The following KIF6 variants were observed in gnomAD, a reference collection of about 807,000 sequenced individuals.
The protein encoded by KIF6 is kinesin-like protein KIF6.
A neutral mutation model predicts 112.7 loss-of-function variants in KIF6; 106 were observed. The observed-to-expected ratio is 0.94, with a 90% CI of 0.80 to 1.11. KIF6 has a LOEUF of 1.11. Ranked by LOEUF, KIF6 falls within the 50% of genes least tolerant of loss-of-function variation. KIF6 has a pLI of 0.00. For synonymous variants in KIF6, 339 were observed against 339.9 expected (o/e 1.00, Z 0.03); for missense variants, 929 against 964.0 (o/e 0.96, Z 0.48).
At chr6:39,583,597 T>A (rs1166286684) in intron 9 of KIF6, 5 of 384,726 alleles carry the variant, frequency 1.3e-5, no homozygotes, top group Non-Finnish European at 2.8e-5. Flanking sequence ...GTAATTAATA[T>A]GGGTAACAAT....
At chr6:39,660,630 G>C (rs530818977) in intron 3 of KIF6, among the ~76,000 whole-genome samples, 349 of 151,704 alleles carry the variant, frequency 2.3e-3, no homozygotes, top group African/African-American at 8.2e-3. Context: ...TTTTTTTTGA[G>C]CTAAGGAGCC....
At chr6:39,679,614 C>CTT (rs55936243) in intron 3 of KIF6, among the ~76,000 whole-genome samples, 4 of 106,490 alleles carry the variant, frequency 3.8e-5, no homozygotes, top group African/African-American at 1.3e-4. Context: ...CTTTTCTTTT[C>CTT]TTTTTTTTTT....
At chr6:39,505,162 A>G (rs1340607113) in intron 13 of KIF6, among the ~76,000 whole-genome samples, 1 of 152,202 alleles carries the variant, frequency 6.6e-6, no homozygotes, top group Non-Finnish European at 1.5e-5. Flanking sequence ...ACATAGACCA[A>G]TGAAACAGAA....
Position 39,485,030 on chromosome 6 carries a change from G to T in KIF6, c.1646-53869C>A, listed in dbSNP as rs558509550. 2.0e-5 allele frequency among the ~76,000 whole-genome samples: 3 copies of T among 152,256 alleles called. No individual in the cohort carries two copies. In the East Asian group the frequency reaches 5.8e-4, roughly 29 times the overall value. On this transcript the variant is annotated intron_variant, in intron 13 of 22. Transcript: ENST00000287152. Reference sequence around the variant, plus strand: ...CATCTCCCCCAGGGCTCTCTCCTTGGCCTGCATATTTCTCCATCTTCAAGA... The same window carrying T: ...CATCTCCCCCAGGGCTCTCTCCTTGTCCTGCATATTTCTCCATCTTCAAGA...
intron 5 of KIF6, chr6:39,617,608 T>G: frequency 2.4e-6 from 1 of 418,146 alleles, no homozygotes; most frequent in South Asian, 1.7e-5. Flanking sequence ...TGGGTTTGTA[T>G]AGTTATCACG....
chr6:39,361,558 C>CAAAA (rs1242586612), intron 17 of KIF6, among the ~76,000 whole-genome samples: 2 of 44,666 alleles, frequency 4.5e-5, no homozygotes, highest in African/African-American at 7.0e-5. Context: ...GGCTCCATCT[C>CAAAA]AAAAAAAAAA....
intron 13 of KIF6, among the ~76,000 whole-genome samples, chr6:39,475,948 A>G (rs932463266): frequency 5.9e-5 from 9 of 152,174 alleles, no homozygotes; most frequent in African/African-American, 1.9e-4. Flanking sequence ...TAACACAGGA[A>G]CAGAAAACCA....
intron 10 of KIF6, among the ~76,000 whole-genome samples, chr6:39,574,045 A>G (rs1267362621): frequency 6.6e-6 from 1 of 152,240 alleles, no homozygotes; most frequent in Non-Finnish European, 1.5e-5. Context: ...TTTCTCATCT[A>G]TAGATCAACA....
chr6:39,585,477 C>G (rs898122520), intron 8 of KIF6, among the ~76,000 whole-genome samples: 1 of 152,120 alleles, frequency 6.6e-6, no homozygotes, highest in Non-Finnish European at 1.5e-5. Context: ...GTCAGGGACC[C>G]CTGCTCTAGA....
chr6:39,442,185 G>T (rs970601613), intron 13 of KIF6, among the ~76,000 whole-genome samples: 2 of 152,128 alleles, frequency 1.3e-5, no homozygotes, highest in African/African-American at 4.8e-5. Context: ...CTTTTGTCTT[G>T]GTAACTGCAT....
chr6:39,584,459 A>AAAAAAC (rs1561836472), intron 9 of KIF6, among the ~76,000 whole-genome samples: 1 of 128,594 alleles, frequency 7.8e-6, no homozygotes, highest in African/African-American at 3.0e-5. Flanking sequence ...AAAAAAAAAA[A>AAAAAAC]AGACTATTAT....
intron 13 of KIF6, among the ~76,000 whole-genome samples, chr6:39,491,061 G>A (rs1409884541): frequency 3.3e-5 from 5 of 152,104 alleles, no homozygotes; most frequent in Non-Finnish European, 7.4e-5. Context: ...ACCATCAGGA[G>A]GTGGAATCTA....
At chr6:39,584,727 A>G (rs1162921550) in intron 9 of KIF6, among the ~76,000 whole-genome samples, 171 bp downstream of exon 9, 1 of 152,136 alleles carries the variant, frequency 6.6e-6, no homozygotes, top group Non-Finnish European at 1.5e-5. Flanking sequence ...TGTCATCTTT[A>G]AGGTGGAGAT....
intron 7 of KIF6, among the ~76,000 whole-genome samples, chr6:39,590,425 GTGTGTATATA>G (rs1303133287): frequency 8.5e-6 from 1 of 117,374 alleles, no homozygotes; most frequent in African/African-American, 4.0e-5. Flanking sequence ...GTGTATGTGT[GTGTGTATATA>G]TATATATATA....
intron 7 of KIF6, among the ~76,000 whole-genome samples, chr6:39,590,425 G>GTATATATA (rs1166869945): frequency 9.4e-5 from 11 of 117,368 alleles, no homozygotes; most frequent in African/African-American, 4.0e-4. Context: ...GTGTATGTGT[G>GTATATATA]TGTGTATATA....
chr6:39,443,438 ATTTTATTTAT>A, intron 13 of KIF6, among the ~76,000 whole-genome samples: 1 of 152,150 alleles, frequency 6.6e-6, no homozygotes, highest in Admixed American at 6.5e-5. Flanking sequence ...CATGTATTTA[ATTTTATTTAT>A]TTTTATTTTA....
Position 39,332,725 on chromosome 6 carries a change from T to G in KIF6, c.*3807A>C, listed in dbSNP as rs1368715446. The G allele has an allele frequency of 6.6e-6, 1 of 152,366 alleles. No homozygotes were observed. Among genetic ancestry groups the G allele is most frequent in the East Asian group, 1.9e-4 (1 of 5,182 alleles). The allele number at this position is 152,366 out of a possible 1,614,324, so 9.4% of individuals were successfully genotyped here. A position where few individuals can be genotyped will look rare whatever the true frequency, so the allele number is the denominator to read the frequency against. On this transcript the variant is annotated 3_prime_UTR_variant, in exon 23 of 23. Transcript: ENST00000287152. ...TTCACATGCAGATGTTGATCGGTAGTTAGCTGAAGACTCAAGGGTAACCCT... is the reference window on the plus strand; with the variant it reads ...TTCACATGCAGATGTTGATCGGTAGGTAGCTGAAGACTCAAGGGTAACCCT...
chr6:39,501,198 G>C (rs146503825), intron 13 of KIF6, among the ~76,000 whole-genome samples: 1 of 152,250 alleles, frequency 6.6e-6, no homozygotes, highest in Non-Finnish European at 1.5e-5. Context: ...GAAGAACTGA[G>C]GCAACCAGGG....
chr6:39,453,827 C>A (rs1260644380), intron 13 of KIF6, among the ~76,000 whole-genome samples: 1 of 152,126 alleles, frequency 6.6e-6, no homozygotes, highest in Admixed American at 6.5e-5. Flanking sequence ...AAAAATATTC[C>A]TTAATTATTA....
Sources: allele counts gnomAD v4.1 joint callset (sites outside exome capture counted in the v4.1 genomes callset), GRCh38; gene constraint gnomAD v4.1.1; transcripts MANE v1.5; gene names NCBI Gene and HGNC (gene_info 2026-07-23, HGNC 2026-07-21).